Variants in RBBP8 observed in about 807,000 individuals in gnomAD.
The protein encoded by RBBP8 is DNA endonuclease RBBP8.
Under a neutral mutation model 108.3 loss-of-function variants are expected in RBBP8, and 88 were observed. The ratio of observed to expected loss-of-function variants is 0.81; its 90% CI spans 0.68 to 0.97. RBBP8 has a LOEUF of 0.97. Ranked by LOEUF, RBBP8 falls within the 50% of genes least tolerant of loss-of-function variation. RBBP8 has a pLI of 0.00. For missense variants in RBBP8, 1,023 were observed against 1,049.0 expected, an observed-to-expected ratio of 0.98 and a Z score of 0.34; for synonymous variants, 332 against 348.2, an observed-to-expected ratio of 0.95 and a Z score of 0.52.
At chr18:22,937,091 T>C in intron 2 of RBBP8, 131 bp downstream of exon 2, 1 of 1,494,632 alleles carries the variant, frequency 6.7e-7, no homozygotes, top group Non-Finnish European at 8.9e-7. Flanking sequence ...TGTGCAGATT[T>C]GGTACATGGA....
At chr18:22,980,703 G>A (rs995342412) in intron 6 of RBBP8, among the ~76,000 whole-genome samples, 9 of 150,856 alleles carry the variant, frequency 6.0e-5, no homozygotes, top group African/African-American at 2.2e-4. Flanking sequence ...TATGACTTAA[G>A]TCTTTTTGGG....
At chr18:22,987,608 C>G (rs999022772) in intron 8 of RBBP8, among the ~76,000 whole-genome samples, 1 of 152,152 alleles carries the variant, frequency 6.6e-6, no homozygotes, top group South Asian at 2.1e-4. Context: ...CACACACCAC[C>G]ATGTCTGGCT....
intron 8 of RBBP8, among the ~76,000 whole-genome samples, chr18:22,986,099 GT>G (rs532574429): frequency 6.6e-6 from 1 of 150,660 alleles, no homozygotes; most frequent in East Asian, 1.9e-4. Flanking sequence ...ACATAGTAAG[GT>G]TTTTTTTGCT....
intron 2 of RBBP8, among the ~76,000 whole-genome samples, chr18:22,938,313 G>GT (rs992282043): frequency 7.5e-5 from 11 of 147,612 alleles, no homozygotes; most frequent in African/African-American, 1.7e-4. Context: ...TTTTGTTTTT[G>GT]TTTTTTTTAA....
intron 12 of RBBP8, among the ~76,000 whole-genome samples, 167 bp downstream of exon 12, chr18:22,994,014 C>CTTTTTTTTTTT (rs777055614): frequency 4.0e-5 from 3 of 75,126 alleles, no homozygotes; most frequent in African/African-American, 1.1e-4. Flanking sequence ...TTTTTCTGTT[C>CTTTTTTTTTTT]TTTTTTTTTT....
In RBBP8 at chr18:23,001,661, T is replaced by C. The variant is rs1343309279; in HGVS notation, c.2219T>C (p.Leu740Ser). The stretch of plus-strand genomic sequence containing the variant: ...ACACATGAAGAGTATGAATCCTGTT[T>C]GGCAGACAGTTTCTCCCAAGCAGCA... ...RTTHEEYESC[L>S]ADSFSQAADE... Residue 740 changes from leucine (L) to serine (S), a missense_variant, in exon 15 of 19, where the codon TTG becomes TCG. Transcript: ENST00000327155. The C allele has an allele frequency of 5.6e-6, 9 of 1,614,136 alleles. No homozygotes were observed. Among genetic ancestry groups the C allele is most frequent in the Non-Finnish European group, 6.8e-6 (8 of 1,179,984 alleles).
chr18:22,935,990 CTT>C (rs1010320661), intron 1 of RBBP8, among the ~76,000 whole-genome samples: 32 of 152,146 alleles, frequency 2.1e-4, no homozygotes, highest in Admixed American at 1.5e-3. Flanking sequence ...TCAACTGTCT[CTT>C]TTATAAAATA....
At chr18:23,000,078 A>G (rs2045921943) in intron 14 of RBBP8, among the ~76,000 whole-genome samples, 1 of 152,224 alleles carries the variant, frequency 6.6e-6, no homozygotes, top group African/African-American at 2.4e-5. Context: ...AAACAGAACA[A>G]AAGTACTTAC....
chr18:22,920,760 A>T (rs571218647), intron 3 of RBBP8: 2 of 152,284 alleles, frequency 1.3e-5, no homozygotes, highest in African/African-American at 4.8e-5. Flanking sequence ...CATCTGACTC[A>T]CCTGGAGGAA....
intron 3 of RBBP8, among the ~76,000 whole-genome samples, chr18:22,927,610 T>G (rs1429930275): frequency 1.3e-5 from 2 of 152,106 alleles, no homozygotes; most frequent in Non-Finnish European, 2.9e-5. Flanking sequence ...AGACTTAGTA[T>G]GAAGAAAAAG....
intron 17 of RBBP8, among the ~76,000 whole-genome samples, chr18:23,021,228 A>T (rs1267692727): frequency 6.6e-6 from 1 of 152,110 alleles, no homozygotes; most frequent in Non-Finnish European, 1.5e-5. Flanking sequence ...TGGCCAACAT[A>T]TAGTAAAACC....
chr18:23,025,632 A>G (rs570992968), intron 18 of RBBP8, among the ~76,000 whole-genome samples: 11 of 152,264 alleles, frequency 7.2e-5, no homozygotes, highest in Non-Finnish European at 1.2e-4. Flanking sequence ...AGGGATTGTC[A>G]TCTATTGAAA....
intron 12 of RBBP8, among the ~76,000 whole-genome samples, chr18:22,994,748 G>C (rs969000822): frequency 6.6e-6 from 1 of 151,766 alleles, no homozygotes; most frequent in Non-Finnish European, 1.5e-5. Flanking sequence ...ATTTGAGACA[G>C]GGTCCTACTC....
chr18:22,930,475 G>C (rs558596442), upstream of RBBP8, among the ~76,000 whole-genome samples: 1 of 152,284 alleles, frequency 6.6e-6, no homozygotes, highest in East Asian at 1.9e-4. Flanking sequence ...CAAAATAACT[G>C]CTTCTCTGTT....
At chr18:22,921,050 C>A (rs1253490738) in intron 3 of RBBP8, among the ~76,000 whole-genome samples, 1 of 152,154 alleles carries the variant, frequency 6.6e-6, no homozygotes, top group Non-Finnish European at 1.5e-5. Flanking sequence ...AAAGTTGAAA[C>A]TTCCATTAAT....
rs191053344 is a variant in RBBP8 at position 22,939,491 on chromosome 18, A to T, written c.109+2531A>T. ...CAGTGAGCTGAGATCACGCTATTGC[A>T]CTCCACCCTGGGCAACAAGAGCGAA... On this transcript the variant is annotated intron_variant, in intron 2 of 18. Coordinates refer to ENST00000327155, the MANE Select transcript of RBBP8 (RefSeq NM_002894.3). Among the ~76,000 whole-genome samples the T allele has an allele frequency of 1.6e-4, 25 of 151,940 alleles. No homozygotes were observed. In the East Asian group the frequency reaches 4.8e-3, roughly 29 times the overall value.
At chr18:22,928,645 T>A (rs12968784), upstream of RBBP8, among the ~76,000 whole-genome samples, 73,768 of 151,548 alleles carry the variant, frequency 0.49, 21,187 homozygotes, top group Middle Eastern at 0.65. Context: ...AAGAAACTGA[T>A]TTTTAACCTT....
intron 3 of RBBP8, among the ~76,000 whole-genome samples, chr18:22,947,950 A>C (rs900513714): frequency 1.3e-5 from 2 of 152,120 alleles, no homozygotes; most frequent in Admixed American, 1.3e-4. Flanking sequence ...TTCTAAATAG[A>C]ACAGTAATGG....
At chr18:22,923,157 C>T (rs7229422) in intron 3 of RBBP8, among the ~76,000 whole-genome samples, 73,899 of 151,962 alleles carry the variant, frequency 0.49, 21,267 homozygotes, top group Middle Eastern at 0.65. Context: ...TATATCTTCT[C>T]TCTCTCATTT....
Sources: allele counts gnomAD v4.1 joint callset (sites outside exome capture counted in the v4.1 genomes callset), GRCh38; gene constraint gnomAD v4.1.1; transcripts MANE v1.5; gene names NCBI Gene and HGNC (gene_info 2026-07-23, HGNC 2026-07-21).